Variants in ITPRID2 observed in about 807,000 individuals in gnomAD.
The protein encoded by ITPRID2 is protein ITPRID2.
In ITPRID2, 60 loss-of-function variants were observed where a neutral mutation model predicts 124.3. The ratio of observed to expected loss-of-function variants is 0.48; its 90% CI spans 0.39 to 0.60. ITPRID2 has a LOEUF of 0.60. Ranked by LOEUF, ITPRID2 falls within the 20% of genes least tolerant of loss-of-function variation. ITPRID2 has a pLI of 0.00. For synonymous variants in ITPRID2, 521 were observed against 542.9 expected (o/e 0.96, Z 0.56); for missense variants, 1,553 against 1,512.2 (o/e 1.03, Z -0.45).
At position 181,901,837 on chromosome 2, in the gene ITPRID2, G is replaced by A. The variant is rs183741118; in HGVS notation, c.784G>A (p.Gly262Arg). 3.2e-5 allele frequency: 52 copies of A among 1,613,614 alleles called. No homozygotes were observed. The Admixed American group carries it at 5.2e-4, about 16-fold the overall frequency. Reference sequence around the variant, plus strand: ...TTCTTCTTTATATTCTCAAGTCTCCGGGACGCCCCTGCAGAGAATTGGAAG... The same window carrying A: ...TTCTTCTTTATATTCTCAAGTCTCCAGGACGCCCCTGCAGAGAATTGGAAG... ...AFSSLYSQVS[G>R]TPLQRIGSMS... The change falls in exon 8 of 18, where the codon GGG becomes AGG. Residue 262 changes from glycine to arginine, a missense_variant. Coordinates refer to ENST00000431877, the MANE Select transcript of ITPRID2 (RefSeq NM_001130445.3).
chr2:181,898,081 ATGT>A, intron 4 of ITPRID2, among the ~76,000 whole-genome samples: 1 of 152,030 alleles, frequency 6.6e-6, no homozygotes, highest in Middle Eastern at 3.2e-3. Context: ...TAAATCTATT[ATGT>A]TGTTTTACTG....
intron 11 of ITPRID2, 38 bp from the exon 12 acceptor site, chr2:181,918,560 T>C (rs369932684): frequency 2.5e-6 from 4 of 1,610,216 alleles, no homozygotes; most frequent in Non-Finnish European, 3.4e-6. Context: ...AGTATTCACT[T>C]TAACATTGGT....
In ITPRID2 at chr2:181,916,218, G is replaced by A; in HGVS notation, c.2578G>A (p.Glu860Lys). ...HSEWQERPLC[E>K]HTRTLSTHSV... is the part of the protein sequence containing the mutation. ...TGAGTGGCAAGAAAGGCCCCTGTGT[G>A]AGCACACAAGAACTCTGAGCACTCA... Residue 860 changes from glutamate to lysine, a missense_variant, in exon 11 of 18, where the codon GAG (glutamate) becomes AAG (lysine). Glu to Lys is a moderately conservative substitution (Grantham distance 56). Coordinates refer to ENST00000431877, the MANE Select transcript of ITPRID2 (RefSeq NM_001130445.3). 1 of 1,614,180 alleles carries A rather than the reference G, an allele frequency of 6.2e-7. No individual in the cohort carries two copies. Among genetic ancestry groups the A allele is most frequent in the Non-Finnish European group, 8.5e-7 (1 of 1,180,038 alleles).
chr2:181,909,927 A>T lies in ITPRID2; in HGVS notation c.1442A>T (p.His481Leu). 6.2e-7 allele frequency: 1 copy of T among 1,613,390 alleles called. No individual in the cohort carries two copies. Among genetic ancestry groups the T allele is most frequent in the Non-Finnish European group, 8.5e-7 (1 of 1,179,442 alleles). Residue 481 changes from histidine (H) to leucine (L), a missense_variant, in exon 9 of 18, where the codon CAT becomes CTT. Coordinates refer to ENST00000431877, the MANE Select transcript of ITPRID2 (RefSeq NM_001130445.3). The part of the protein sequence containing the change: ...EVQSTEGEAP[H>L]VPATYQLGLT... The stretch of plus-strand genomic sequence containing the variant: ...CAAAGTACGGAGGGAGAAGCTCCTC[A>T]TGTTCCAGCCACTTACCAGCTAGGT...
At chr2:181,914,672 C>G (rs1316593526) in intron 10 of ITPRID2, among the ~76,000 whole-genome samples, 1 of 152,064 alleles carries the variant, frequency 6.6e-6, no homozygotes, top group Non-Finnish European at 1.5e-5. Context: ...AGTGAGGGGT[C>G]TTTTTGTCCT....
chr2:181,902,872 G>C lies in ITPRID2; in HGVS notation c.1413+406G>C, dbSNP rs569612612. ...TGAATGACTGTATGCCTTTGGGCAAGCTTTTCTTAACATATCTCAGTGGTA... is the reference window on the plus strand; with the variant it reads ...TGAATGACTGTATGCCTTTGGGCAACCTTTTCTTAACATATCTCAGTGGTA... On this transcript the variant is annotated intron_variant, in intron 8 of 17. Transcript: ENST00000431877. This position sits in a 1 kb window ranked among gnomAD's most constrained non-coding sequence, Gnocchi z 4.4. 6.6e-6 allele frequency among the ~76,000 whole-genome samples: 1 copy of C among 152,220 alleles called. No individual in the cohort carries two copies. The highest frequency in any genetic ancestry group is 1.5e-5 in the Non-Finnish European group (1 of 68,038).
Position 181,916,424 on chromosome 2 carries a change from A to G in ITPRID2, c.2784A>G (p.Ser928=). Residue 928 remains serine, a synonymous_variant, in exon 11 of 18, where the codon TCA becomes TCG. Coordinates refer to ENST00000431877, the MANE Select transcript of ITPRID2 (RefSeq NM_001130445.3). ...TTAGAAACTCACTGCAGAATCTTTCACAGGTATGAGAAAAAGTATGTTATC... is the reference window on the plus strand; with the variant it reads ...TTAGAAACTCACTGCAGAATCTTTCGCAGGTATGAGAAAAAGTATGTTATC... ...HDIRNSLQNL[S]QYPMMRGPDP... is the part of the protein sequence containing the mutation. 6.2e-7 allele frequency: 1 copy of G among 1,611,410 alleles called. No individual in the cohort carries two copies. The highest frequency in any genetic ancestry group is 1.1e-5 in the South Asian group (1 of 90,934).
chr2:181,891,955 A>T lies in ITPRID2; in HGVS notation c.-112A>T. 1 of 860,504 alleles carries T rather than the reference A, an allele frequency of 1.2e-6. No homozygotes were observed. The highest frequency in any genetic ancestry group is 1.7e-6 in the Non-Finnish European group (1 of 597,794). The allele number at this position is 860,504 out of a possible 1,614,324, so 53.3% of individuals were successfully genotyped here. A position where few individuals can be genotyped will look rare whatever the true frequency, so the allele number is the denominator to read the frequency against. ...CTCCTCCTCCTCCGGCGCCCGCTTC[A>T]GCTCCCCGGGGCCCCCTGCCCGGCC... On this transcript the variant is annotated 5_prime_UTR_variant, in exon 1 of 18. Transcript: ENST00000431877.
intron 11 of ITPRID2, chr2:181,916,969 G>C (rs1694110577): frequency 3.0e-6 from 3 of 986,612 alleles, no homozygotes; most frequent in Non-Finnish European, 3.6e-6. Flanking sequence ...TGGACTCAAA[G>C]ACTGGAACTA....
In ITPRID2 at chr2:181,915,422, G is replaced by A; in HGVS notation, c.1782G>A (p.Gln594=). The A allele has an allele frequency of 6.2e-7, 1 of 1,614,126 alleles. No individual in the cohort carries two copies. Among genetic ancestry groups the A allele is most frequent in the South Asian group, 1.1e-5 (1 of 91,076 alleles). Residue 594 remains glutamine (Q), a synonymous_variant, in exon 11 of 18, where the codon CAG becomes CAA. Coordinates refer to ENST00000431877, the MANE Select transcript of ITPRID2 (RefSeq NM_001130445.3). ...AVADKRKSGS[Q]DFPQCNTIEN... is the part of the protein sequence containing the mutation. Reference sequence around the variant, plus strand: ...CAGACAAAAGAAAATCAGGTAGCCAGGATTTCCCTCAGTGCAACACCATTG... The same window carrying A: ...CAGACAAAAGAAAATCAGGTAGCCAAGATTTCCCTCAGTGCAACACCATTG...
intron 8 of ITPRID2, among the ~76,000 whole-genome samples, chr2:181,903,435 A>G (rs769191601): frequency 6.6e-6 from 1 of 152,306 alleles, no homozygotes; most frequent in African/African-American, 2.4e-5. Flanking sequence ...ATCACACACC[A>G]TTATTTTAGG....
chr2:181,928,140 TTTA>T lies in ITPRID2; in HGVS notation c.3676-18_3676-16del, dbSNP rs1694997076. ...TCCATTCATATTGGTAAATTTTTGT[TTTA>T]TTGTTTTTCCAATCTAGATTAAAGA... is the stretch of plus-strand genomic sequence containing the variant. On this transcript the variant is annotated intron_variant, in intron 16 of 17. Coordinates refer to ENST00000431877, the MANE Select transcript of ITPRID2 (RefSeq NM_001130445.3). 1.4e-6 allele frequency: 2 copies of T among 1,463,000 alleles called. No homozygotes were observed. The highest frequency in any genetic ancestry group is 1.4e-5 in the African/African-American group (1 of 69,590). 90.6% of individuals were successfully genotyped at this position (1,463,000 alleles called of 1,614,324 possible).
intron 2 of ITPRID2, among the ~76,000 whole-genome samples, chr2:181,895,790 A>G (rs1558977125): frequency 6.6e-6 from 1 of 151,960 alleles, no homozygotes; most frequent in Non-Finnish European, 1.5e-5. Flanking sequence ...TTTTGCCCCT[A>G]ATTGTTAGCA....
chr2:181,919,126 A>T lies in ITPRID2; in HGVS notation c.2994-170A>T, dbSNP rs1476196166. 6.6e-6 allele frequency among the ~76,000 whole-genome samples: 1 copy of T among 152,222 alleles called. No homozygotes were observed. Among genetic ancestry groups the T allele is most frequent in the East Asian group, 1.9e-4 (1 of 5,200 alleles). On this transcript the variant is annotated intron_variant, in intron 13 of 17. Transcript: ENST00000431877. This position sits in a 1 kb window ranked among gnomAD's most constrained non-coding sequence, Gnocchi z 4.2. ...GAGATATTTGTGAGAGGATAGGGGA[A>T]GAAAGACTAATGTCCTTGTGGATAC... is the stretch of plus-strand genomic sequence containing the variant.
chr2:181,908,055 G>A (rs1159936448), intron 8 of ITPRID2, among the ~76,000 whole-genome samples: 1 of 152,148 alleles, frequency 6.6e-6, no homozygotes, highest in Non-Finnish European at 1.5e-5. Flanking sequence ...TAAGGAAATA[G>A]AATATGTGAT....
chr2:181,902,708 C>T lies in ITPRID2; in HGVS notation c.1413+242C>T, dbSNP rs1039434410. 1.3e-5 allele frequency among the ~76,000 whole-genome samples: 2 copies of T among 152,186 alleles called. No individual in the cohort carries two copies. The highest frequency in any genetic ancestry group is 4.8e-5 in the African/African-American group (2 of 41,440). On this transcript the variant is annotated intron_variant, in intron 8 of 17. Coordinates refer to ENST00000431877, the MANE Select transcript of ITPRID2 (RefSeq NM_001130445.3). The surrounding 1 kb of genome is among the most constrained non-coding windows in gnomAD (Gnocchi z 4.4). ...CCACTAGTTGATATTTGAACCTTAACCCTCTTTTCTCTCTCAAGGGTAAGA... is the reference window on the plus strand; with the variant it reads ...CCACTAGTTGATATTTGAACCTTAATCCTCTTTTCTCTCTCAAGGGTAAGA...
At position 181,910,892 on chromosome 2, in the gene ITPRID2, C is replaced by T. The variant is rs374556376; in HGVS notation, c.1486+921C>T. Reference sequence around the variant, plus strand: ...GAACTTTACTATTTAATTTTCTTCCCCTTGTAAGTTCATAAATTTATGTAT... The same window carrying T: ...GAACTTTACTATTTAATTTTCTTCCTCTTGTAAGTTCATAAATTTATGTAT... On this transcript the variant is annotated intron_variant, in intron 9 of 17. Transcript: ENST00000431877. The surrounding 1 kb of genome is among the most constrained non-coding windows in gnomAD (Gnocchi z 4.1). Among the ~76,000 whole-genome samples the T allele has an allele frequency of 7.2e-5, 11 of 152,000 alleles. No homozygotes were observed. Among genetic ancestry groups the T allele is most frequent in the Non-Finnish European group, 1.2e-4 (8 of 67,962 alleles).
In ITPRID2 at chr2:181,892,059, G is replaced by A. The variant is rs779614554; in HGVS notation, c.-8G>A. ...TCCGGCTGGGGTAGCGGAGCCCCCA[G>A]TGCGGCCATGGACCGGCCCCTGTCG... On this transcript the variant is annotated 5_prime_UTR_variant, in exon 1 of 18. The change creates a new upstream start codon in the 5' untranslated region. Coordinates refer to ENST00000431877, the MANE Select transcript of ITPRID2 (RefSeq NM_001130445.3). This position sits in a 1 kb window ranked among gnomAD's most constrained non-coding sequence, Gnocchi z 5.2. 1.9e-6 allele frequency: 3 copies of A among 1,548,822 alleles called. No homozygotes were observed. Among genetic ancestry groups the A allele is most frequent in the South Asian group, 2.4e-5 (2 of 84,014 alleles).
At position 181,915,308 on chromosome 2, in the gene ITPRID2, A is replaced by C; in HGVS notation, c.1668A>C (p.Pro556=). ...VTSLGEDLAT[P]TAQDQPYFNE... ...CACTTGGTGAAGACCTTGCCACACC[A>C]ACAGCACAAGACCAGCCTTATTTTA... The change falls in exon 11 of 18, where the codon CCA becomes CCC. Residue 556 remains proline (P), a synonymous_variant. Coordinates refer to ENST00000431877, the MANE Select transcript of ITPRID2 (RefSeq NM_001130445.3). The C allele has an allele frequency of 6.2e-7, 1 of 1,614,220 alleles. No individual in the cohort carries two copies. Among genetic ancestry groups the C allele is most frequent in the Non-Finnish European group, 8.5e-7 (1 of 1,180,032 alleles).
Sources: allele counts gnomAD v4.1 joint callset (sites outside exome capture counted in the v4.1 genomes callset), GRCh38; gene constraint gnomAD v4.1.1; non-coding constraint Gnocchi (gnomAD v3.1); transcripts MANE v1.5; gene names NCBI Gene and HGNC (gene_info 2026-07-23, HGNC 2026-07-21).